The following NUAK1 variants were observed in gnomAD, a reference collection of about 807,000 sequenced individuals.
NUAK1 encodes NUAK family SNF1-like kinase 1.
A neutral mutation model predicts 56.9 loss-of-function variants in NUAK1; 26 were observed. The ratio of observed to expected loss-of-function variants is 0.46; its 90% CI spans 0.33 to 0.63. The LOEUF is 0.63. NUAK1 is among the 30% of genes least tolerant of loss of function. The pLI is 0.02. For missense variants in NUAK1, 727 were observed against 876.1 expected (o/e 0.83, Z 2.15); for synonymous variants, 337 against 336.0 (o/e 1.00, Z -0.03).
intron 1 of NUAK1, among the ~76,000 whole-genome samples, chr12:106,122,822 G>A (rs2032991547): frequency 6.6e-6 from 1 of 152,208 alleles, no homozygotes; most frequent in Non-Finnish European, 1.5e-5. Context: ...TCTGAGGTCA[G>A]TGCCAAGGAT....
At chr12:106,120,159 C>T (rs775491421) in intron 1 of NUAK1, among the ~76,000 whole-genome samples, 2 of 152,154 alleles carry the variant, frequency 1.3e-5, no homozygotes, top group Admixed American at 6.5e-5. Flanking sequence ...GCCAACTACC[C>T]ACCCTCATCT....
chr12:106,133,521 C>T (rs556216343), intron 1 of NUAK1, among the ~76,000 whole-genome samples: 124 of 152,310 alleles, frequency 8.1e-4, no homozygotes, highest in African/African-American at 2.8e-3. Context: ...CAAACACCAT[C>T]CAGCTGTCTG....
chr12:106,123,030 GTAT>G (rs1452751003), intron 1 of NUAK1, among the ~76,000 whole-genome samples: 1 of 152,192 alleles, frequency 6.6e-6, no homozygotes, highest in Non-Finnish European at 1.5e-5. Flanking sequence ...ACCTCTAGAA[GTAT>G]TTGTTCCATT....
At chr12:106,108,284 G>A (rs1182570740) in intron 1 of NUAK1, among the ~76,000 whole-genome samples, 2 of 152,200 alleles carry the variant, frequency 1.3e-5, no homozygotes, top group African/African-American at 4.8e-5. Context: ...TAGAGGAATA[G>A]CTAAACAAAT....
In NUAK1 at chr12:106,138,599, C is replaced by T. The variant is rs375088646; in HGVS notation, c.55G>A (p.Ala19Thr). The change falls in exon 1 of 7, where the codon GCG becomes ACG. Residue 19 changes from alanine (A) to threonine (T), a missense_variant. By Grantham distance (58) the Ala-to-Thr change is moderately conservative (BLOSUM62 0). Transcript: ENST00000261402. The surrounding 1 kb of genome is among the most constrained non-coding windows in gnomAD (Gnocchi z 5.0). The stretch of plus-strand genomic sequence containing the variant: ...ACCGCCTCTCGGGGAGAGCCCGGCG[C>T]CCCCAGCCCCAAGTCGGGGCGGTCC... ...AGDRPDLGLG[A>T]PGSPREAVAG... The T allele has an allele frequency of 6.4e-7, 1 of 1,571,030 alleles. No individual in the cohort carries two copies. Among genetic ancestry groups the T allele is most frequent in the South Asian group, 1.1e-5 (1 of 87,356 alleles).
chr12:106,071,324 C>A (rs2032405306), intron 5 of NUAK1, among the ~76,000 whole-genome samples: 2 of 152,306 alleles, frequency 1.3e-5, no homozygotes, highest in South Asian at 4.1e-4. Flanking sequence ...GCTCTTCATT[C>A]CTAATCCAGG....
At chr12:106,083,475 T>C (rs976230438) in intron 4 of NUAK1, among the ~76,000 whole-genome samples, 2 of 152,176 alleles carry the variant, frequency 1.3e-5, no homozygotes, top group Non-Finnish European at 2.9e-5. Flanking sequence ...TAACAGTACC[T>C]ACCTTGTAGA....
At chr12:106,087,832 T>A (rs968775245) in intron 2 of NUAK1, among the ~76,000 whole-genome samples, 1 of 152,156 alleles carries the variant, frequency 6.6e-6, no homozygotes, top group Non-Finnish European at 1.5e-5. Flanking sequence ...AACTACCAGA[T>A]GAGATGGCCT....
intron 4 of NUAK1, among the ~76,000 whole-genome samples, chr12:106,076,858 A>T (rs2032469627): frequency 6.6e-6 from 1 of 152,198 alleles, no homozygotes; most frequent in African/African-American, 2.4e-5. Flanking sequence ...GGAGGGGGAA[A>T]GGGGAGTTAC....
Position 106,067,927 on chromosome 12 carries a change from C to A in NUAK1, c.861G>T (p.Leu287=), listed in dbSNP as rs2032362567. The change falls in exon 7 of 7, where the codon CTG becomes CTT. Residue 287 remains leucine (L), a synonymous_variant. Transcript: ENST00000261402. The surrounding 1 kb of genome is among the most constrained non-coding windows in gnomAD (Gnocchi z 6.0). ...SDARGLIRWM[L]MVNPDRRATI... Reference sequence around the variant, plus strand: ...TGGCCCGGCGATCGGGGTTCACCATCAGCATCCACCGTATGAGTCCTCGAG... The same window carrying A: ...TGGCCCGGCGATCGGGGTTCACCATAAGCATCCACCGTATGAGTCCTCGAG... 1 of 1,612,174 alleles carries A rather than the reference C, an allele frequency of 6.2e-7. No individual in the cohort carries two copies. Among genetic ancestry groups the A allele is most frequent in the South Asian group, 1.1e-5 (1 of 90,842 alleles).
At chr12:106,113,892 C>T (rs1592859520) in intron 1 of NUAK1, among the ~76,000 whole-genome samples, 2 of 151,978 alleles carry the variant, frequency 1.3e-5, no homozygotes, top group African/African-American at 2.4e-5. Flanking sequence ...TCACAGTCTA[C>T]ACATAACCCG....
At chr12:106,106,225 C>T (rs1323386809) in intron 2 of NUAK1, 180 bp downstream of exon 2, 4 of 500,430 alleles carry the variant, frequency 8.0e-6, no homozygotes, top group Admixed American at 3.7e-5. Context: ...ATGAGCTGCA[C>T]TCATGTGTCT....
rs1311632812 is a variant in NUAK1, at chr12:106,138,642, G to A, written c.12C>T (p.Ala4=). 4 of 1,541,860 alleles carry A rather than the reference G, an allele frequency of 2.6e-6. No homozygotes were observed. In the African/African-American group the frequency reaches 4.1e-5, roughly 16 times the overall value. Residue 4 remains alanine, a synonymous_variant, in exon 1 of 7, where the codon GCC becomes GCT. Transcript: ENST00000261402. This position sits in a 1 kb window ranked among gnomAD's most constrained non-coding sequence, Gnocchi z 5.0. Reference sequence around the variant, plus strand: ...GGCGGTCCCCCGCCACAGGCGCGGCGGCCCCTTCCATGTCCAAGCGCGGGG... The same window carrying A: ...GGCGGTCCCCCGCCACAGGCGCGGCAGCCCCTTCCATGTCCAAGCGCGGGG... The part of the protein sequence containing the change: MEG[A]AAPVAGDRPD...
chr12:106,138,410 T>C lies in NUAK1; in HGVS notation c.240+4A>G. The C allele has an allele frequency of 8.7e-6, 14 of 1,600,878 alleles. No individual in the cohort carries two copies. Among genetic ancestry groups the C allele is most frequent in the Non-Finnish European group, 1.1e-5 (13 of 1,175,490 alleles). Reference sequence around the variant, plus strand: ...CCCGCACCCTCCAGGATTGCCCCACTCACCACTCGGCCAGAAAACCTCTCG... The same window carrying C: ...CCCGCACCCTCCAGGATTGCCCCACCCACCACTCGGCCAGAAAACCTCTCG... On this transcript the variant is annotated splice_donor_region_variant and intron_variant, in intron 1 of 6. Transcript: ENST00000261402. The surrounding 1 kb of genome is among the most constrained non-coding windows in gnomAD (Gnocchi z 5.0).
At chr12:106,079,001 A>T (rs1356103808) in intron 4 of NUAK1, among the ~76,000 whole-genome samples, 1 of 152,198 alleles carries the variant, frequency 6.6e-6, no homozygotes, top group Non-Finnish European at 1.5e-5. Flanking sequence ...GTGCTCTTAG[A>T]TGTATGGCAA....
chr12:106,126,447 C>A (rs1592863406), intron 1 of NUAK1, among the ~76,000 whole-genome samples: 2 of 152,194 alleles, frequency 1.3e-5, no homozygotes, highest in East Asian at 3.9e-4. Context: ...GGGTTGTATT[C>A]CTGCCATCAT....
chr12:106,110,244 A>G lies in NUAK1; in HGVS notation c.241-3719T>C, dbSNP rs577999625. On this transcript the variant is annotated intron_variant, in intron 1 of 6. Coordinates refer to ENST00000261402, the MANE Select transcript of NUAK1 (RefSeq NM_014840.3). ...CAAATATGTTCCTACTTAAAATCAAAACTCAGCCTCAAGATATTCACACTT... is the reference window on the plus strand; with the variant it reads ...CAAATATGTTCCTACTTAAAATCAAGACTCAGCCTCAAGATATTCACACTT... 4.6e-5 allele frequency among the ~76,000 whole-genome samples: 7 copies of G among 152,234 alleles called. No homozygotes were observed. In the South Asian group the frequency reaches 1.5e-3, roughly 32 times the overall value.
intron 2 of NUAK1, among the ~76,000 whole-genome samples, chr12:106,090,489 G>A (rs1002678399): frequency 2.0e-5 from 3 of 152,062 alleles, no homozygotes; most frequent in Non-Finnish European, 4.4e-5. Flanking sequence ...ATAAGGATTC[G>A]GTACTATGAG....
chr12:106,067,314 C>G lies in NUAK1; in HGVS notation c.1474G>C (p.Asp492His). ...CTGCTGCCCATCACATCATTACTGT[C>G]CAACAGCTCCGAAGACTCACTGCGC... ...PERSESSELL[D>H]SNDVMGSSIP... Residue 492 changes from aspartate to histidine, a missense_variant, in exon 7 of 7, where the codon GAC (aspartate) becomes CAC (histidine). Physicochemically the swap from Asp to His is moderately conservative, Grantham distance 81 (BLOSUM62 -1). Transcript: ENST00000261402. This position sits in a 1 kb window ranked among gnomAD's most constrained non-coding sequence, Gnocchi z 6.0. 1 of 1,614,182 alleles carries G rather than the reference C, an allele frequency of 6.2e-7. No homozygotes were observed. The highest frequency in any genetic ancestry group is 1.1e-5 in the South Asian group (1 of 91,078).
Sources: gnomAD v4.1 joint callset for allele counts (sites outside exome capture counted in the v4.1 genomes callset) on GRCh38, gnomAD v4.1.1 for gene constraint, Gnocchi (gnomAD v3.1) non-coding constraint, MANE v1.5 for transcripts, NCBI Gene and HGNC (gene_info 2026-07-23, HGNC 2026-07-21) for gene names.